The following GNRH1 variants were observed in gnomAD, a reference collection of about 807,000 sequenced individuals.
GNRH1 encodes gonadotropin releasing hormone 1, also known as progonadoliberin-1.
In GNRH1, 9 loss-of-function variants were observed where a neutral mutation model predicts 13.6. The observed-to-expected ratio is 0.66, with a 90% confidence interval of 0.40 to 1.15. The LOEUF is 1.15. Ranked by LOEUF, GNRH1 falls within the 50% of genes most tolerant of loss-of-function variation. The pLI is 0.01. For synonymous variants in GNRH1, 44 were observed against 40.1 expected, an observed-to-expected ratio of 1.10 and a Z score of -0.37; for missense variants, 116 against 110.8, an observed-to-expected ratio of 1.05 and a Z score of -0.21.
intron 2 of GNRH1, 40 bp from the exon 3 acceptor site, chr8:25,421,708 G>A: frequency 1.1e-6 from 1 of 880,758 alleles, no homozygotes; most frequent in Admixed American, 2.0e-5. Flanking sequence ...TGGAGATAAA[G>A]AAATGAAATG....
chr8:25,422,688 T>C (rs1801788805), intron 2 of GNRH1, among the ~76,000 whole-genome samples: 1 of 152,226 alleles, frequency 6.6e-6, no homozygotes, highest in South Asian at 2.1e-4. Context: ...ATTCCTGTAT[T>C]CTACCAGTCT....
At chr8:25,423,944 A>C (rs1285514551) in intron 1 of GNRH1, 1 of 152,660 alleles carries the variant, frequency 6.6e-6, no homozygotes, top group African/African-American at 2.4e-5. Flanking sequence ...TTTTCTAATG[A>C]AATGTGTCTC....
intron 2 of GNRH1, 100 bp from the exon 3 acceptor site, chr8:25,421,768 T>TG: frequency 5.7e-6 from 2 of 352,596 alleles, no homozygotes; most frequent in South Asian, 4.4e-5. Flanking sequence ...TCAAGGGGGA[T>TG]GTGGGGCTGG....
At chr8:25,423,160 T>C (rs1801797327) in intron 2 of GNRH1, 30 bp downstream of exon 2, 3 of 1,479,456 alleles carry the variant, frequency 2.0e-6, no homozygotes, top group Non-Finnish European at 2.8e-6. Flanking sequence ...AAAATCACTA[T>C]GTCTTATTTT....
chr8:25,419,599 C>A, intron 3 of GNRH1, 139 bp from the exon 4 acceptor site: 2 of 620,280 alleles, frequency 3.2e-6, no homozygotes, highest in Non-Finnish European at 2.9e-6. Context: ...GCTAGGGAGA[C>A]ATGATAAATT....
intron 3 of GNRH1, among the ~76,000 whole-genome samples, chr8:25,420,284 C>T (rs1395198137): frequency 6.6e-6 from 1 of 151,532 alleles, no homozygotes; most frequent in Admixed American, 6.6e-5. Context: ...TGTGGTGGCT[C>T]ATGCCTGTAA....
chr8:25,424,303 T>G (rs1801814553), upstream of GNRH1: 1 of 152,056 alleles, frequency 6.6e-6, no homozygotes, highest in East Asian at 1.9e-4. Flanking sequence ...AGGGAATTTT[T>G]CCAGGACATT....
chr8:25,421,813 AC>A, intron 2 of GNRH1, 145 bp from the exon 3 acceptor site: 1 of 643,402 alleles, frequency 1.6e-6, no homozygotes, highest in African/African-American at 1.8e-5. Flanking sequence ...TAGCATAGGG[AC>A]TTTAAGGACA....
At chr8:25,423,072 C>A (rs1315056800) in intron 2 of GNRH1, 118 bp downstream of exon 2, 1 of 838,016 alleles carries the variant, frequency 1.2e-6, no homozygotes, top group African/African-American at 1.7e-5. Context: ...CCTTATCTCA[C>A]CTGGAGCATC....
At chr8:25,420,585 C>A (rs552231421) in intron 3 of GNRH1, among the ~76,000 whole-genome samples, 5 of 152,078 alleles carry the variant, frequency 3.3e-5, no homozygotes, top group South Asian at 2.1e-4. Flanking sequence ...CAATAGAGAT[C>A]AGAGAATATC....
In GNRH1 at chr8:25,423,248, T is replaced by C; in HGVS notation, c.83A>G (p.Tyr28Cys). ...VEGCSSQHWS[Y>C]GLRPGGKRDA... is the part of the protein sequence containing the mutation. ...TCTCTTTCCTCCAGGGCGCAGTCCA[T>C]AGGACCAGTGCTGGCTGGAGCAGCC... The change falls in exon 2 of 4, where the codon TAT (tyrosine) becomes TGT (cysteine). Residue 28 changes from tyrosine to cysteine, a missense_variant. Physicochemically the swap from Tyr to Cys is radical, Grantham distance 194. Transcript: ENST00000421054. The C allele has an allele frequency of 3.7e-6, 6 of 1,612,646 alleles. No homozygotes were observed. The highest frequency in any genetic ancestry group is 5.1e-6 in the Non-Finnish European group (6 of 1,178,622).
chr8:25,420,566 A>G (rs1037074499), intron 3 of GNRH1, among the ~76,000 whole-genome samples: 1 of 152,254 alleles, frequency 6.6e-6, no homozygotes, highest in South Asian at 2.1e-4. Flanking sequence ...ATTGCTGCAG[A>G]TAAGTGGACA....
chr8:25,424,738 TCA>T (rs1801820398), upstream of GNRH1: 3 of 152,338 alleles, frequency 2.0e-5, no homozygotes, highest in Admixed American at 1.3e-4. Flanking sequence ...GACTAGATGA[TCA>T]CAGAGTTGCT....
chr8:25,421,807 A>ATAGGGAC, intron 2 of GNRH1, 139 bp from the exon 3 acceptor site: 1 of 651,166 alleles, frequency 1.5e-6, no homozygotes. Context: ...CAGGATTAGC[A>ATAGGGAC]TAGGGACTTT....
intron 1 of GNRH1, chr8:25,423,707 G>C: frequency 4.1e-6 from 1 of 242,908 alleles, no homozygotes; most frequent in South Asian, 5.3e-5. Flanking sequence ...GAGATAAAGA[G>C]AACTGAGTCA....
At chr8:25,422,069 T>C (rs1316729198) in intron 2 of GNRH1, among the ~76,000 whole-genome samples, 5 of 152,188 alleles carry the variant, frequency 3.3e-5, no homozygotes, top group African/African-American at 1.2e-4. Flanking sequence ...ATTTGCTTCA[T>C]GTATAACCTG....
chr8:25,423,046 T>C (rs1242937741), intron 2 of GNRH1, 144 bp downstream of exon 2: 3 of 753,114 alleles, frequency 4.0e-6, no homozygotes, highest in Non-Finnish European at 7.2e-6. Flanking sequence ...GGAATGGGAC[T>C]TCTACTTTGT....
At chr8:25,421,793 G>C (rs1222066296) in intron 2 of GNRH1, 125 bp from the exon 3 acceptor site, 8 of 661,530 alleles carry the variant, frequency 1.2e-5, no homozygotes, top group Non-Finnish European at 2.2e-5. Context: ...GATTGGGAAA[G>C]TTGCAGGATT....
intron 3 of GNRH1, among the ~76,000 whole-genome samples, chr8:25,421,031 G>A (rs1218340700): frequency 6.6e-6 from 1 of 152,050 alleles, no homozygotes; most frequent in Non-Finnish European, 1.5e-5. Context: ...CAGGAAACTG[G>A]AAATCAAGTC....
Sources: gnomAD v4.1 joint callset for allele counts (sites outside exome capture counted in the v4.1 genomes callset) on GRCh38, gnomAD v4.1.1 for gene constraint, MANE v1.5 for transcripts, NCBI Gene and HGNC (gene_info 2026-07-23, HGNC 2026-07-21) for gene names.